The following POLA1 variants were observed in gnomAD, a reference collection of about 807,000 sequenced individuals.
The protein encoded by POLA1 is DNA polymerase alpha 1, catalytic subunit, also known as DNA polymerase alpha catalytic subunit.
In POLA1, 15 loss-of-function variants were observed where a neutral mutation model predicts 124.0. The ratio of observed to expected loss-of-function variants is 0.12; its 90% CI spans 0.08 to 0.19. The LOEUF is 0.19. POLA1 is among the 10% of genes least tolerant of loss of function. The pLI, the probability that POLA1 is intolerant of heterozygous loss-of-function variation, is 1.00. For synonymous variants in POLA1, 408 were observed against 389.4 expected, an observed-to-expected ratio of 1.05 and a Z score of -0.56; for missense variants, 886 against 1,103.4, an observed-to-expected ratio of 0.80 and a Z score of 2.79.
intron 30 of POLA1, among the ~76,000 whole-genome samples, chrX:24,819,293 G>A (rs2046046892): frequency 8.9e-6 from 1 of 111,835 alleles, no homozygotes; most frequent in African/African-American, 3.2e-5. Flanking sequence ...GCTCACAGAA[G>A]TAGAAAAGTT....
chrX:24,924,050 TAA>T (rs2047657520), intron 35 of POLA1, among the ~76,000 whole-genome samples: 1 of 112,180 alleles, frequency 8.9e-6, no homozygotes, highest in African/African-American at 3.2e-5. Flanking sequence ...TGCATTCATT[TAA>T]AAGAGACACT....
chrX:24,945,474 A>G (rs1180438697), intron 36 of POLA1, among the ~76,000 whole-genome samples: 1 of 112,507 alleles, frequency 8.9e-6, no homozygotes, highest in South Asian at 3.7e-4. Flanking sequence ...AGCTTAAAAT[A>G]TATCTTGATA....
intron 36 of POLA1, among the ~76,000 whole-genome samples, chrX:24,958,518 T>C (rs921182032): frequency 1.8e-5 from 2 of 112,747 alleles, no homozygotes; most frequent in African/African-American, 6.4e-5. Context: ...TTAATCTATA[T>C]GTTCATATAG....
intron 4 of POLA1, among the ~76,000 whole-genome samples, chrX:24,711,278 C>A (rs1481014358): frequency 5.3e-5 from 6 of 112,627 alleles, no homozygotes; most frequent in Non-Finnish European, 1.1e-4. Context: ...GCCACGGTGC[C>A]CGGCCCCTTT....
chrX:24,987,345 A>G (rs2048490771), intron 36 of POLA1, among the ~76,000 whole-genome samples: 1 of 111,925 alleles, frequency 8.9e-6, no homozygotes, highest in African/African-American at 3.3e-5. Flanking sequence ...TTCCTGTCCC[A>G]CAGAAACCGA....
chrX:24,936,960 T>A (rs1024656151), intron 36 of POLA1, among the ~76,000 whole-genome samples: 1 of 112,466 alleles, frequency 8.9e-6, no homozygotes, highest in Admixed American at 9.4e-5. Context: ...AAAATTATAT[T>A]TTTTATATTT....
At chrX:24,968,751 G>C (rs781780994) in intron 36 of POLA1, among the ~76,000 whole-genome samples, 5 of 106,136 alleles carry the variant, frequency 4.7e-5, no homozygotes, top group Admixed American at 1.0e-4. Flanking sequence ...AGCTGTTTTT[G>C]TGTGAGATTG....
At chrX:24,845,003 A>G (rs1335419408) in intron 34 of POLA1, among the ~76,000 whole-genome samples, 2 of 112,010 alleles carry the variant, frequency 1.8e-5, no homozygotes, top group Admixed American at 1.9e-4. Flanking sequence ...GGAAATGTTA[A>G]TACTAGAAGA....
chrX:24,757,508 C>T (rs1021855112), intron 26 of POLA1, among the ~76,000 whole-genome samples: 16 of 98,438 alleles, frequency 1.6e-4, no homozygotes, highest in Non-Finnish European at 2.4e-4. Context: ...GGTGCGATCT[C>T]GGCTCACTGC....
intron 17 of POLA1, among the ~76,000 whole-genome samples, chrX:24,734,732 C>A (rs954829556): frequency 1.8e-5 from 2 of 111,298 alleles, no homozygotes; most frequent in Admixed American, 9.5e-5. Context: ...TCTCGTGCCT[C>A]AGCCTCCTGA....
chrX:24,775,256 TG>T (rs1299886517), intron 26 of POLA1: 1 of 111,542 alleles, frequency 9.0e-6, no homozygotes, highest in Non-Finnish European at 1.9e-5. Flanking sequence ...CGCATTTTGC[TG>T]TTGATACTAG....
At chrX:24,904,367 C>G (rs771716952) in intron 35 of POLA1, among the ~76,000 whole-genome samples, 37 of 110,503 alleles carry the variant, frequency 3.3e-4, no homozygotes, top group Admixed American at 1.2e-3. Context: ...CCAGGAGAAG[C>G]AAGTAGTGGC....
At chrX:24,740,927 T>A (rs191296764) in intron 20 of POLA1, among the ~76,000 whole-genome samples, 1,251 of 111,666 alleles carry the variant, frequency 0.011, 10 homozygotes, top group Non-Finnish European at 0.017. Context: ...TGTTTTTTTT[T>A]ATACTCTGTC....
At chrX:24,704,265 C>A in intron 3 of POLA1, 124 bp from the exon 4 acceptor site, 1 of 513,820 alleles carries the variant, frequency 1.9e-6, no homozygotes, top group Non-Finnish European at 3.5e-6. Flanking sequence ...AATTCTGCTG[C>A]ACTTAAAAAT....
intron 4 of POLA1, 90 bp from the exon 5 acceptor site, chrX:24,714,464 T>C: frequency 1.9e-6 from 1 of 514,476 alleles, no homozygotes; most frequent in East Asian, 3.7e-5. Context: ...TTAACATTTT[T>C]CTTCCCAATA....
intron 26 of POLA1, among the ~76,000 whole-genome samples, chrX:24,782,377 T>C (rs758484122): frequency 6.3e-5 from 7 of 111,783 alleles, no homozygotes; most frequent in Non-Finnish European, 1.1e-4. Context: ...TTCAGACTTA[T>C]TTTTATGCTG....
chrX:24,814,952 G>GTTTTGTTTTTTTTTTTTTTTTTTT, intron 29 of POLA1, 27 bp from the exon 30 acceptor site: 1 of 867,769 alleles, frequency 1.2e-6, no homozygotes, highest in South Asian at 2.8e-5. Context: ...TGCTGTCTTT[G>GTTTTGTTTTTTTTTTTTTTTTTTT]TTTTGTTTTT....
intron 26 of POLA1, among the ~76,000 whole-genome samples, chrX:24,804,270 T>C (rs2148487233): frequency 9.0e-6 from 1 of 111,527 alleles, no homozygotes; most frequent in South Asian, 3.8e-4. Flanking sequence ...TAAATGTTCA[T>C]CAAGTGAGAG....
chrX:24,727,114 T>C, intron 14 of POLA1, 43 bp downstream of exon 14: 3 of 1,084,630 alleles, frequency 2.8e-6, no homozygotes, highest in Non-Finnish European at 3.8e-6. Context: ...AGATTGCTGA[T>C]AGATGTGGTT....
Sources: allele counts gnomAD v4.1 joint callset (sites outside exome capture counted in the v4.1 genomes callset), GRCh38; gene constraint gnomAD v4.1.1; transcripts MANE v1.5; gene names NCBI Gene and HGNC (gene_info 2026-07-23, HGNC 2026-07-21).